KCNN2: variants seen among roughly 807,000 people sequenced by gnomAD.
KCNN2 encodes small conductance calcium-activated potassium channel protein 2.
Under a neutral mutation model 55.5 loss-of-function variants are expected in KCNN2, and 24 were observed. The ratio of observed to expected loss-of-function variants is 0.43; its 90% CI spans 0.31 to 0.61. The LOEUF (loss-of-function observed/expected upper bound fraction) is 0.61, where lower values mean the gene tolerates loss of function less well. Among genes scored for constraint, KCNN2 ranks in the 20% least tolerant of loss-of-function variants. The probability of loss-of-function intolerance (pLI) is 0.08; values close to 1 mark genes in which losing one functional copy is unlikely to be tolerated. For synonymous variants in KCNN2, 431 were observed against 336.1 expected (o/e 1.28, Z -3.09); for missense variants, 754 against 853.6 (o/e 0.88, Z 1.45).
At chr5:114,134,337 T>A (rs999570327) in intron 1 of KCNN2, among the ~76,000 whole-genome samples, 1 of 151,636 alleles carries the variant, frequency 6.6e-6, no homozygotes, top group African/African-American at 2.4e-5. Context: ...TAGAAAACTT[T>A]TTTTTTTCTG....
intron 2 of KCNN2, among the ~76,000 whole-genome samples, chr5:114,305,134 C>T (rs774554472): frequency 2.0e-5 from 3 of 152,210 alleles, no homozygotes; most frequent in South Asian, 2.1e-4. Flanking sequence ...GATAGCCTAA[C>T]GTTGAAGGAA....
chr5:114,151,354 T>A (rs1752520340), intron 1 of KCNN2, among the ~76,000 whole-genome samples: 1 of 152,136 alleles, frequency 6.6e-6, no homozygotes, highest in Non-Finnish European at 1.5e-5. Context: ...CCCCAGCCCC[T>A]TCTTTACTCC....
rs79242179 is a variant in KCNN2, at chr5:114,110,083, G to A, written c.-271+53583G>A. Among the ~76,000 whole-genome samples, 1,322 of 152,108 alleles carry A rather than the reference G, an allele frequency of 8.7e-3. 14 individuals are homozygous for A. The highest frequency in any genetic ancestry group is 0.041 in the Middle Eastern group (12 of 294). On this transcript the variant is annotated intron_variant, in intron 1 of 10. Coordinates refer to the KCNN2 transcript ENST00000512097. The stretch of plus-strand genomic sequence containing the variant: ...AGCATAATGTTACTCCCCTCTAATG[G>A]ATGCAGCCCTCACTAAACAACTAAA...
At chr5:114,135,724 CAAAA>C (rs1752161986) in intron 1 of KCNN2, among the ~76,000 whole-genome samples, 1 of 151,970 alleles carries the variant, frequency 6.6e-6, no homozygotes, top group African/African-American at 2.4e-5. Flanking sequence ...AGAAATTAAA[CAAAA>C]AGAAATCTAC....
chr5:114,406,741 T>A (rs1758948510), intron 3 of KCNN2, among the ~76,000 whole-genome samples: 1 of 152,144 alleles, frequency 6.6e-6, no homozygotes, highest in African/African-American at 2.4e-5. Context: ...GTTGGGGACT[T>A]TCTTTGCCTT....
At chr5:114,216,494 T>C (rs1250421210) in intron 1 of KCNN2, among the ~76,000 whole-genome samples, 1 of 152,194 alleles carries the variant, frequency 6.6e-6, no homozygotes, top group East Asian at 1.9e-4. Context: ...TCTGAAGTTC[T>C]TATGTAAAGG....
At chr5:114,159,608 A>C (rs1228692018) in intron 1 of KCNN2, among the ~76,000 whole-genome samples, 1 of 152,184 alleles carries the variant, frequency 6.6e-6, no homozygotes, top group Admixed American at 6.5e-5. Flanking sequence ...CTCTGGTAGA[A>C]TTCAGCTGTG....
intron 1 of KCNN2, among the ~76,000 whole-genome samples, chr5:114,179,636 T>C (rs531547634): frequency 6.6e-6 from 1 of 151,716 alleles, no homozygotes; most frequent in South Asian, 2.1e-4. Flanking sequence ...TGAAAGAAAA[T>C]GTCAAACTTT....
intron 2 of KCNN2, among the ~76,000 whole-genome samples, chr5:114,286,767 T>TA (rs1755763239): frequency 1.3e-5 from 2 of 152,144 alleles, no homozygotes; most frequent in Admixed American, 6.5e-5. Context: ...AGTGTTTAGA[T>TA]AAAATTGCTT....
intron 2 of KCNN2, among the ~76,000 whole-genome samples, chr5:114,314,925 A>G (rs2150027291): frequency 6.6e-6 from 1 of 152,294 alleles, no homozygotes; most frequent in Admixed American, 6.5e-5. Context: ...AAAATGAACT[A>G]AAACCAGTAT....
chr5:114,492,200 G>T (rs1052848059), intron 6 of KCNN2, among the ~76,000 whole-genome samples: 1 of 152,114 alleles, frequency 6.6e-6, no homozygotes, highest in Non-Finnish European at 1.5e-5. Flanking sequence ...GGATATCCTA[G>T]TTTCGGAACA....
chr5:114,488,647 G>C (rs1245572337), intron 6 of KCNN2, among the ~76,000 whole-genome samples: 1 of 152,088 alleles, frequency 6.6e-6, no homozygotes, highest in Non-Finnish European at 1.5e-5. Context: ...GAGATGCTGA[G>C]CTTTCGCCTC....
chr5:114,182,664 A>G (rs116822484), intron 1 of KCNN2, among the ~76,000 whole-genome samples: 2,780 of 152,216 alleles, frequency 0.018, 81 homozygotes, highest in African/African-American at 0.063. Context: ...CTAATTTCAT[A>G]TTCCAACTGT....
intron 2 of KCNN2, among the ~76,000 whole-genome samples, chr5:114,274,711 C>T (rs528251157): frequency 6.6e-5 from 10 of 152,196 alleles, no homozygotes; most frequent in Admixed American, 3.3e-4. Context: ...GCTGACTTTG[C>T]GTATCAGATT....
intron 5 of KCNN2, among the ~76,000 whole-genome samples, chr5:114,474,623 T>C (rs1029898507): frequency 1.1e-4 from 16 of 152,210 alleles, no homozygotes; most frequent in African/African-American, 3.9e-4. Context: ...CTACATCTAA[T>C]CCATAAATTG....
intron 1 of KCNN2, among the ~76,000 whole-genome samples, chr5:114,066,936 A>T (rs1437336610): frequency 6.6e-6 from 1 of 152,222 alleles, no homozygotes; most frequent in African/African-American, 2.4e-5. Context: ...AGTTTCAGGG[A>T]GTAGACTCAC....
At chr5:114,300,029 GT>G (rs55686880) in intron 2 of KCNN2, among the ~76,000 whole-genome samples, 148,853 of 151,614 alleles carry the variant, frequency 0.98, 73,129 homozygotes, top group Non-Finnish European at 1. Flanking sequence ...CAAAAATGGT[GT>G]TTTTTTTTCC....
At chr5:114,325,961 C>T (rs1756706852) in intron 2 of KCNN2, among the ~76,000 whole-genome samples, 1 of 152,184 alleles carries the variant, frequency 6.6e-6, no homozygotes, top group African/African-American at 2.4e-5. Context: ...TGTGGTCAAA[C>T]ACTTCAGGTT....
intron 2 of KCNN2, among the ~76,000 whole-genome samples, chr5:114,289,797 A>G (rs1200999264): frequency 6.6e-6 from 1 of 152,208 alleles, no homozygotes; most frequent in Middle Eastern, 3.2e-3. Flanking sequence ...AATCATTAAC[A>G]TGGGAAGTTT....
Sources: allele counts gnomAD v4.1 joint callset (sites outside exome capture counted in the v4.1 genomes callset), GRCh38; gene constraint gnomAD v4.1.1; transcripts MANE v1.5; gene names NCBI Gene and HGNC (gene_info 2026-07-23, HGNC 2026-07-21).